TMEM123: variants seen among roughly 807,000 people sequenced by gnomAD.
The protein encoded by TMEM123 is transmembrane protein 123.
A neutral mutation model predicts 19.7 loss-of-function variants in TMEM123; 16 were observed. The ratio of observed to expected loss-of-function variants is 0.81; its 90% CI spans 0.55 to 1.23. The LOEUF (loss-of-function observed/expected upper bound fraction) is 1.23. Ranked by LOEUF, TMEM123 falls within the 50% of genes most tolerant of loss-of-function variation. TMEM123 has a pLI of 0.00. For missense variants in TMEM123, 313 were observed against 257.8 expected, an observed-to-expected ratio of 1.21 and a Z score of -1.47; for synonymous variants, 118 against 99.4, an observed-to-expected ratio of 1.19 and a Z score of -1.12.
chr11:102,433,355 T>C (rs968223499), intron 2 of TMEM123, among the ~76,000 whole-genome samples: 10 of 151,906 alleles, frequency 6.6e-5, no homozygotes, highest in African/African-American at 2.4e-4. Flanking sequence ...TAGGAAATCA[T>C]TTTGGAACTT....
chr11:102,432,791 T>C (rs936876420), intron 2 of TMEM123, among the ~76,000 whole-genome samples: 5 of 152,246 alleles, frequency 3.3e-5, no homozygotes, highest in African/African-American at 9.6e-5. Context: ...CCCTGCTCTA[T>C]GCAGCCTGGG....
chr11:102,425,456 G>C (rs1325763074), intron 2 of TMEM123, among the ~76,000 whole-genome samples: 1 of 151,410 alleles, frequency 6.6e-6, no homozygotes, highest in Admixed American at 6.6e-5. Flanking sequence ...TGTTCATGTT[G>C]TGTCCTCCAA....
In TMEM123 at chr11:102,441,509, C is replaced by A. The variant is rs186049199; in HGVS notation, c.157+7303G>T. Among the ~76,000 whole-genome samples, 6 of 152,248 alleles carry A rather than the reference C, an allele frequency of 3.9e-5. No homozygotes were observed. The East Asian group carries it at 1.2e-3, about 29-fold the overall frequency. On this transcript the variant is annotated intron_variant, in intron 2 of 4. Coordinates refer to ENST00000398136, the MANE Select transcript of TMEM123 (RefSeq NM_052932.3). ...TTTAAACCCAATGAGGACAAAGACACAACATACCAGAATCTCTGGGACACA... is the reference window on the plus strand; with the variant it reads ...TTTAAACCCAATGAGGACAAAGACAAAACATACCAGAATCTCTGGGACACA...
intron 2 of TMEM123, among the ~76,000 whole-genome samples, chr11:102,417,726 A>C (rs1455235773): frequency 1.3e-5 from 2 of 152,228 alleles, no homozygotes; most frequent in Non-Finnish European, 2.9e-5. Flanking sequence ...TCATCATGCT[A>C]CCTGACTTTA....
intron 2 of TMEM123, among the ~76,000 whole-genome samples, chr11:102,425,665 C>A (rs1952120910): frequency 6.7e-6 from 1 of 150,030 alleles, no homozygotes; most frequent in Non-Finnish European, 1.5e-5. Context: ...CTCACTGTAG[C>A]CTCAACCTCC....
At chr11:102,401,502 A>C in intron 4 of TMEM123, 37 bp downstream of exon 4, 1 of 1,521,564 alleles carries the variant, frequency 6.6e-7, no homozygotes. Flanking sequence ...GTGCACCAAC[A>C]ATTTTTTTTA....
At chr11:102,441,114 T>C (rs991735680) in intron 2 of TMEM123, among the ~76,000 whole-genome samples, 1 of 152,172 alleles carries the variant, frequency 6.6e-6, no homozygotes, top group African/African-American at 2.4e-5. Flanking sequence ...AACACCCCAC[T>C]GTCAACATTA....
In TMEM123 at chr11:102,402,166, A is replaced by C. The variant is rs1479896605; in HGVS notation, c.198T>G (p.Thr66=). ...TTGGTGGTTTCACAGTACTGTTGGAAGTTTCATTTGTATGGTCAGAAGGCA... is the reference window on the plus strand; with the variant it reads ...TTGGTGGTTTCACAGTACTGTTGGACGTTTCATTTGTATGGTCAGAAGGCA... ...QHVPSDHTNE[T]SNSTVKPPTS... The change falls in exon 3 of 5, where the codon ACT becomes ACG. Residue 66 remains threonine (T), a synonymous_variant. Transcript: ENST00000398136. The C allele has an allele frequency of 6.2e-7, 1 of 1,614,026 alleles. No homozygotes were observed. The highest frequency in any genetic ancestry group is 8.5e-7 in the Non-Finnish European group (1 of 1,180,032).
intron 2 of TMEM123, among the ~76,000 whole-genome samples, chr11:102,402,516 G>A (rs1194696071): frequency 6.6e-6 from 1 of 151,752 alleles, no homozygotes. Flanking sequence ...ATCTCTGTCT[G>A]AACATCTCAA....
chr11:102,401,523 G>T lies in TMEM123; in HGVS notation c.602+16C>A, dbSNP rs199713215. 7.1e-6 allele frequency: 11 copies of T among 1,548,416 alleles called. No individual in the cohort carries two copies. In the South Asian group the frequency reaches 8.7e-5, roughly 12 times the overall value. ...CAACAATTTTTTTTAAAAAGTCCTG[G>T]CCATTCAAAACTTACATGGTTCGAT... On this transcript the variant is annotated intron_variant, in intron 4 of 4. Coordinates refer to ENST00000398136, the MANE Select transcript of TMEM123 (RefSeq NM_052932.3).
At chr11:102,416,860 C>T (rs1319624444) in intron 2 of TMEM123, among the ~76,000 whole-genome samples, 8 of 151,992 alleles carry the variant, frequency 5.3e-5, no homozygotes, top group Admixed American at 5.2e-4. Flanking sequence ...AATCAATAAA[C>T]GTGATTTATC....
chr11:102,421,126 A>G (rs556164856), intron 2 of TMEM123, among the ~76,000 whole-genome samples: 5 of 152,196 alleles, frequency 3.3e-5, no homozygotes, highest in Admixed American at 6.5e-5. Flanking sequence ...GCTCAGAATT[A>G]CTCCAAGTAT....
intron 2 of TMEM123, among the ~76,000 whole-genome samples, chr11:102,439,003 C>A (rs1402487332): frequency 1.3e-5 from 2 of 152,244 alleles, no homozygotes; most frequent in Non-Finnish European, 2.9e-5. Context: ...GCACAGCAGT[C>A]TGAGATCAAA....
chr11:102,431,013 AC>A (rs538874726), intron 2 of TMEM123, among the ~76,000 whole-genome samples: 69 of 152,344 alleles, frequency 4.5e-4, no homozygotes, highest in African/African-American at 1.6e-3. Context: ...CAGGTAATAG[AC>A]TAAAAAAGTC....
intron 2 of TMEM123, among the ~76,000 whole-genome samples, chr11:102,418,634 C>T (rs1163045927): frequency 6.6e-6 from 1 of 152,196 alleles, no homozygotes; most frequent in Non-Finnish European, 1.5e-5. Context: ...ATAGAACTAC[C>T]ATTTGACCTA....
At chr11:102,428,172 T>C (rs1450234260) in intron 2 of TMEM123, among the ~76,000 whole-genome samples, 2 of 152,208 alleles carry the variant, frequency 1.3e-5, no homozygotes, top group African/African-American at 4.8e-5. Flanking sequence ...AGTACATTAA[T>C]TTAAAAGGTT....
intron 2 of TMEM123, among the ~76,000 whole-genome samples, chr11:102,414,477 C>T (rs780180665): frequency 5.3e-5 from 8 of 152,172 alleles, no homozygotes; most frequent in Non-Finnish European, 7.4e-5. Context: ...AGAGGGAACC[C>T]CATCAGGCTA....
intron 4 of TMEM123, among the ~76,000 whole-genome samples, chr11:102,399,100 T>G (rs1456575885): frequency 6.6e-6 from 1 of 152,216 alleles, no homozygotes; most frequent in Non-Finnish European, 1.5e-5. Flanking sequence ...CCATCTTGTC[T>G]TGCTGCAATC....
intron 4 of TMEM123, among the ~76,000 whole-genome samples, chr11:102,399,651 G>T (rs980131442): frequency 6.6e-6 from 1 of 152,150 alleles, no homozygotes; most frequent in South Asian, 2.1e-4. Flanking sequence ...TATATGCAAC[G>T]TAACTTTAAA....
Sources: gnomAD v4.1 joint callset for allele counts (sites outside exome capture counted in the v4.1 genomes callset) on GRCh38, gnomAD v4.1.1 for gene constraint, MANE v1.5 for transcripts, NCBI Gene and HGNC (gene_info 2026-07-23, HGNC 2026-07-21) for gene names.